Variants in RELN observed in about 807,000 individuals in gnomAD.
RELN encodes reelin.
In RELN, 108 loss-of-function variants were observed where a neutral mutation model predicts 427.6. The observed-to-expected ratio is 0.25, with a 90% CI of 0.22 to 0.30. The LOEUF is 0.30. Among genes scored for constraint, RELN ranks in the 10% least tolerant of loss-of-function variants. RELN has a pLI of 1.00. For missense variants in RELN, 3,715 were observed against 4,302.8 expected, an observed-to-expected ratio of 0.86 and a Z score of 3.82; for synonymous variants, 1,524 against 1,513.4, an observed-to-expected ratio of 1.01 and a Z score of -0.16.
chr7:103,892,056 T>C (rs961028752), intron 2 of RELN, among the ~76,000 whole-genome samples: 3 of 152,222 alleles, frequency 2.0e-5, no homozygotes, highest in African/African-American at 7.2e-5. Flanking sequence ...CTCCTTCCCC[T>C]ACTCCAACGT....
intron 2 of RELN, among the ~76,000 whole-genome samples, chr7:103,859,976 A>C (rs2116489077): frequency 6.6e-6 from 1 of 152,288 alleles, no homozygotes; most frequent in Admixed American, 6.5e-5. Flanking sequence ...CCCATGAACA[A>C]AATATCAACC....
At chr7:103,833,274 A>G (rs1461902931) in intron 3 of RELN, among the ~76,000 whole-genome samples, 1 of 152,138 alleles carries the variant, frequency 6.6e-6, no homozygotes, top group Non-Finnish European at 1.5e-5. Flanking sequence ...TGTCCCACCA[A>G]TTCACTTACT....
At chr7:103,814,327 T>G (rs556312484) in intron 3 of RELN, among the ~76,000 whole-genome samples, 1 of 152,214 alleles carries the variant, frequency 6.6e-6, no homozygotes, top group South Asian at 2.1e-4. Flanking sequence ...AAATGACAGA[T>G]GAAAGACGGA....
chr7:103,932,823 G>C (rs549965273), intron 1 of RELN, among the ~76,000 whole-genome samples: 1 of 152,314 alleles, frequency 6.6e-6, no homozygotes, highest in South Asian at 2.1e-4. Context: ...GGTGATGGCA[G>C]CTCCTGGGGG....
At chr7:103,500,050 A>C (rs77505140) in intron 53 of RELN, among the ~76,000 whole-genome samples, 2,315 of 152,108 alleles carry the variant, frequency 0.015, 58 homozygotes, top group African/African-American at 0.053. Context: ...TACATTGTTG[A>C]CTCTCATATG....
In RELN at chr7:103,989,471, A is replaced by C. The variant is rs1312318462; in HGVS notation, c.-115T>G. 119 of 925,910 alleles carry C rather than the reference A, an allele frequency of 1.3e-4. 3 individuals carry two copies. The Middle Eastern group carries it at 1.4e-3, about 11-fold the overall frequency. The allele number at this position is 925,910 out of a possible 1,614,324, so 57.4% of individuals were successfully genotyped here. ...AGAAGGCGAGAAGAAGGCGGACGGGAGCGGAACGGGCTCGGGAGCGGGCCT... is the reference window on the plus strand; with the variant it reads ...AGAAGGCGAGAAGAAGGCGGACGGGCGCGGAACGGGCTCGGGAGCGGGCCT... On this transcript the variant is annotated 5_prime_UTR_variant, in exon 1 of 65. Transcript: ENST00000428762. This position sits in a 1 kb window ranked among gnomAD's most constrained non-coding sequence, Gnocchi z 4.9.
At chr7:103,630,582 C>T (rs971220428) in intron 19 of RELN, among the ~76,000 whole-genome samples, 1 of 152,170 alleles carries the variant, frequency 6.6e-6, no homozygotes, top group Non-Finnish European at 1.5e-5. Context: ...AATAAACCTG[C>T]ATCTGACAAA....
rs573883401 is a variant in RELN, at chr7:103,932,481, C to T, written c.227-15296G>A. Among the ~76,000 whole-genome samples, 6 of 152,246 alleles carry T rather than the reference C, an allele frequency of 3.9e-5. No homozygotes were observed. In the South Asian group the frequency reaches 1.0e-3, roughly 26 times the overall value. On this transcript the variant is annotated intron_variant, in intron 1 of 64. Transcript: ENST00000428762. ...GTGATGAAATAATCTGTACAACAAACCTCCATGACACAAGTTTACCTATAT... is the reference window on the plus strand; with the variant it reads ...GTGATGAAATAATCTGTACAACAAATCTCCATGACACAAGTTTACCTATAT...
chr7:103,894,425 C>T (rs917081909), intron 2 of RELN, among the ~76,000 whole-genome samples: 5 of 152,138 alleles, frequency 3.3e-5, no homozygotes, highest in Middle Eastern at 3.2e-3. Flanking sequence ...TCAAGCAGTG[C>T]ATATTAAATG....
At chr7:103,751,713 G>A (rs539689600) in intron 5 of RELN, among the ~76,000 whole-genome samples, 3 of 152,308 alleles carry the variant, frequency 2.0e-5, no homozygotes, top group Non-Finnish European at 2.9e-5. Context: ...GCTTCTAAGC[G>A]CTTGCATTTG....
intron 4 of RELN, among the ~76,000 whole-genome samples, chr7:103,771,689 C>T (rs370078646): frequency 1.3e-5 from 2 of 152,182 alleles, no homozygotes; most frequent in East Asian, 1.9e-4. Flanking sequence ...GGAGTAGCCC[C>T]AGATTTCCTC....
chr7:103,967,324 C>A (rs933818075), intron 1 of RELN, among the ~76,000 whole-genome samples: 4 of 152,124 alleles, frequency 2.6e-5, no homozygotes, highest in African/African-American at 9.7e-5. Context: ...CAAAGCCCTA[C>A]AAGAAACCAA....
intron 1 of RELN, among the ~76,000 whole-genome samples, chr7:103,932,960 G>A (rs1452004993): frequency 6.6e-6 from 1 of 152,170 alleles, no homozygotes; most frequent in African/African-American, 2.4e-5. Context: ...GGAGCACAAT[G>A]AAATGGCAAG....
rs190591626 is a variant in RELN, at chr7:103,847,577, A to T, written c.338-13905T>A. Among the ~76,000 whole-genome samples the T allele has an allele frequency of 2.1e-3, 317 of 152,274 alleles. 1 individual carries two copies. The highest frequency in any genetic ancestry group is 6.8e-3 in the Middle Eastern group (2 of 294). On this transcript the variant is annotated intron_variant, in intron 2 of 64. Transcript: ENST00000428762. ...ACTTAAAGTATAATAACAAAAAATGATATAATATCATGTAACTGACAGATA... is the reference window on the plus strand; with the variant it reads ...ACTTAAAGTATAATAACAAAAAATGTTATAATATCATGTAACTGACAGATA...
At position 103,611,781 on chromosome 7, in the gene RELN, C is replaced by A. The variant is rs1167526294; in HGVS notation, c.2725G>T (p.Ala909Ser). 1.9e-6 allele frequency: 3 copies of A among 1,613,596 alleles called. No homozygotes were observed. In the African/African-American group the frequency reaches 4.0e-5, roughly 22 times the overall value. Reference sequence around the variant, plus strand: ...GTTTCCACATAGCGCATACTTGAGGCAAGTTTAGAATCTCCTGTAAAACTG... The same window carrying A: ...GTTTCCACATAGCGCATACTTGAGGAAAGTTTAGAATCTCCTGTAAAACTG... ...TLCFTGDSKL[A>S]SSMRYVETQS... Residue 909 changes from alanine (A) to serine (S), a missense_variant, in exon 21 of 65, where the codon GCC becomes TCC. Physicochemically the swap from Ala to Ser is moderately conservative, Grantham distance 99 (BLOSUM62 1). Coordinates refer to ENST00000428762, the MANE Select transcript of RELN (RefSeq NM_005045.4).
chr7:103,649,765 T>A (rs1025587665), intron 16 of RELN, among the ~76,000 whole-genome samples: 24 of 151,912 alleles, frequency 1.6e-4, no homozygotes, highest in Non-Finnish European at 8.8e-5. Flanking sequence ...AAGATATATA[T>A]CTAAGTTTTC....
At chr7:103,803,924 A>G (rs1236632991) in intron 3 of RELN, among the ~76,000 whole-genome samples, 1 of 152,056 alleles carries the variant, frequency 6.6e-6, no homozygotes, top group Non-Finnish European at 1.5e-5. Context: ...AAAGGGTGGA[A>G]AATGCACCTA....
In RELN at chr7:103,520,899, A is replaced by G. The variant is rs1485153583; in HGVS notation, c.7668+1123T>C. 2.0e-5 allele frequency among the ~76,000 whole-genome samples: 3 copies of G among 151,448 alleles called. No homozygotes were observed. In the East Asian group the frequency reaches 5.8e-4, roughly 29 times the overall value. ...ATAAATAATACACTTCATTGGCACA[A>G]ATGTAAACTCTAAGGTAGGGCATGC... On this transcript the variant is annotated intron_variant, in intron 48 of 64. Transcript: ENST00000428762.
intron 16 of RELN, among the ~76,000 whole-genome samples, chr7:103,646,201 C>T (rs562744887): frequency 2.0e-5 from 3 of 151,756 alleles, no homozygotes; most frequent in South Asian, 2.1e-4. Context: ...CATAATATTG[C>T]ACCTCAGGGA....
Sources: allele counts gnomAD v4.1 joint callset (sites outside exome capture counted in the v4.1 genomes callset), GRCh38; gene constraint gnomAD v4.1.1; non-coding constraint Gnocchi (gnomAD v3.1); transcripts MANE v1.5; gene names NCBI Gene and HGNC (gene_info 2026-07-23, HGNC 2026-07-21).